The following CASZ1 variants were observed in gnomAD, a reference collection of about 807,000 sequenced individuals.
The protein encoded by CASZ1 is zinc finger protein castor homolog 1.
Under a neutral mutation model 135.2 loss-of-function variants are expected in CASZ1, and 28 were observed. That is an observed-to-expected ratio of 0.21 (90% confidence interval 0.15 to 0.28). The LOEUF (loss-of-function observed/expected upper bound fraction) is 0.28. Among genes scored for constraint, CASZ1 ranks in the 10% least tolerant of loss-of-function variants. The pLI, the probability that CASZ1 is intolerant of heterozygous loss-of-function variation, is 1.00. For synonymous variants in CASZ1, 1,068 were observed against 1,073.4 expected (o/e 0.99, Z 0.10); for missense variants, 2,161 against 2,453.3 (o/e 0.88, Z 2.52).
At chr1:10,729,383 C>A (rs1023419496) in intron 2 of CASZ1, among the ~76,000 whole-genome samples, 2 of 152,192 alleles carry the variant, frequency 1.3e-5, no homozygotes, top group Non-Finnish European at 2.9e-5. Context: ...GCTCCTCTCC[C>A]TCTCCCCGGC....
rs1219963251 is a variant in CASZ1 at position 10,767,801 on chromosome 1, G to A, written c.-233-6944C>T. The stretch of plus-strand genomic sequence containing the variant: ...CCGGTTGCAGCTCCCTGTCTGTCTT[G>A]CCCACTGCCCCGGGGATCACTTCCC... On this transcript the variant is annotated intron_variant, in intron 1 of 20. Coordinates refer to ENST00000377022, the MANE Select transcript of CASZ1 (RefSeq NM_001079843.3). The surrounding 1 kb of genome is among the most constrained non-coding windows in gnomAD (Gnocchi z 4.2). Among the ~76,000 whole-genome samples the A allele has an allele frequency of 2.0e-5, 3 of 152,160 alleles. No individual in the cohort carries two copies. Among genetic ancestry groups the A allele is most frequent in the African/African-American group, 7.2e-5 (3 of 41,430 alleles).
At chr1:10,750,229 A>G (rs1308912385) in intron 2 of CASZ1, among the ~76,000 whole-genome samples, 1 of 152,024 alleles carries the variant, frequency 6.6e-6, no homozygotes, top group East Asian at 1.9e-4. Flanking sequence ...GTTGTGTGAC[A>G]TGAGGCCTGG....
intron 2 of CASZ1, among the ~76,000 whole-genome samples, chr1:10,760,023 T>A (rs879762652): frequency 5.9e-5 from 9 of 152,090 alleles, no homozygotes; most frequent in Non-Finnish European, 1.3e-4. Context: ...TACCTGCAGG[T>A]AAATATCTGA....
chr1:10,666,718 G>T lies in CASZ1; in HGVS notation c.17-1147C>A, dbSNP rs1367991770. Among the ~76,000 whole-genome samples, 1 of 152,146 alleles carries T rather than the reference G, an allele frequency of 6.6e-6. No homozygotes were observed. Among genetic ancestry groups the T allele is most frequent in the African/African-American group, 2.4e-5 (1 of 41,422 alleles). The stretch of plus-strand genomic sequence containing the variant: ...TCCCTGATAGGGCACCGAGGGTCCT[G>T]GGGGGGCATACGGCAAGCCCACCCA... On this transcript the variant is annotated intron_variant, in intron 4 of 20. Transcript: ENST00000377022. The surrounding 1 kb of genome is among the most constrained non-coding windows in gnomAD (Gnocchi z 5.2).
chr1:10,643,332 G>A (rs1333558885), intron 18 of CASZ1, 21 bp from the exon 19 acceptor site: 2 of 1,611,430 alleles, frequency 1.2e-6, no homozygotes, highest in South Asian at 1.1e-5. Context: ...AGCCCCACCT[G>A]GCATGAGCCC....
intron 3 of CASZ1, among the ~76,000 whole-genome samples, chr1:10,703,389 C>T (rs1639104345): frequency 1.3e-5 from 2 of 152,138 alleles, no homozygotes; most frequent in Non-Finnish European, 2.9e-5. Flanking sequence ...CACCTATAGG[C>T]CCAGTCTCAG....
At position 10,788,434 on chromosome 1, in the gene CASZ1, C is replaced by T. The variant is rs573634902; in HGVS notation, c.-234+8130G>A. On this transcript the variant is annotated intron_variant, in intron 1 of 20. Coordinates refer to ENST00000377022, the MANE Select transcript of CASZ1 (RefSeq NM_001079843.3). This position sits in a 1 kb window ranked among gnomAD's most constrained non-coding sequence, Gnocchi z 4.1. ...GAAAGAAGCCCACCAGAGCAGGGGGCCCTAGAGGGTCCTTAGACTGCATTT... is the reference window on the plus strand; with the variant it reads ...GAAAGAAGCCCACCAGAGCAGGGGGTCCTAGAGGGTCCTTAGACTGCATTT... Among the ~76,000 whole-genome samples the T allele has an allele frequency of 9.9e-5, 15 of 152,266 alleles. No homozygotes were observed. In the South Asian group the frequency reaches 3.1e-3, roughly 32 times the overall value.
rs1280545543 is a variant in CASZ1, at chr1:10,644,943, G to A, written c.3842C>T (p.Thr1281Ile). Residue 1281 changes from threonine to isoleucine, a missense_variant, in exon 18 of 21, where the codon ACC (threonine) becomes ATC (isoleucine). Thr to Ile is a moderately conservative substitution (Grantham distance 89). Around this residue, in one of 7 missense-constraint regions of CASZ1, gnomAD observed 349 missense variants for 460.8 expected, o/e 0.76. Coordinates refer to ENST00000377022, the MANE Select transcript of CASZ1 (RefSeq NM_001079843.3). ...RRAANGFKYF[T>I]KREECGRLGC... ...TAGCCTGCCACACTCCTCGCGCTTG[G>A]TGAAGTATTTGAAGCCATTGGCTGC... The A allele has an allele frequency of 1.2e-6, 2 of 1,613,858 alleles. No homozygotes were observed. Among genetic ancestry groups the A allele is most frequent in the Non-Finnish European group, 1.7e-6 (2 of 1,179,972 alleles).
intron 1 of CASZ1, among the ~76,000 whole-genome samples, chr1:10,766,403 A>G (rs1015093566): frequency 1.3e-5 from 2 of 152,244 alleles, no homozygotes. Context: ...AAATGGGGAT[A>G]AAGATAGTTC....
rs1337869402 is a variant in CASZ1 at position 10,747,093 on chromosome 1, G to A, written c.-77+13608C>T. Among the ~76,000 whole-genome samples, 2 of 152,256 alleles carry A rather than the reference G, an allele frequency of 1.3e-5. No individual in the cohort carries two copies. Among genetic ancestry groups the A allele is most frequent in the African/African-American group, 4.8e-5 (2 of 41,468 alleles). ...AATGGCATGTGATGGCCACCCAGTTGGCAGTGCCATTCCCCTAACGCAAGG... is the reference window on the plus strand; with the variant it reads ...AATGGCATGTGATGGCCACCCAGTTAGCAGTGCCATTCCCCTAACGCAAGG... On this transcript the variant is annotated intron_variant, in intron 2 of 20. Coordinates refer to ENST00000377022, the MANE Select transcript of CASZ1 (RefSeq NM_001079843.3). The surrounding 1 kb of genome is among the most constrained non-coding windows in gnomAD (Gnocchi z 4.3).
intron 1 of CASZ1, among the ~76,000 whole-genome samples, chr1:10,781,576 G>A (rs548528322): frequency 5.3e-5 from 8 of 152,330 alleles, no homozygotes; most frequent in East Asian, 3.9e-4. Flanking sequence ...TGCTATTGGC[G>A]AACATGCTCC....
chr1:10,792,656 T>G (rs1487863745), intron 1 of CASZ1, among the ~76,000 whole-genome samples: 1 of 151,312 alleles, frequency 6.6e-6, no homozygotes, highest in African/African-American at 2.4e-5. Context: ...TTTTTCTGTC[T>G]TCCTTTCTTA....
rs774066141 is a variant in CASZ1, at chr1:10,785,907, TG to T, written c.-234+10656del. The stretch of plus-strand genomic sequence containing the variant: ...CTGGGATCCTCTCATCTAATTCTCA[TG>T]GTCCACGTGACGGGAATTCCAAGTC... On this transcript the variant is annotated intron_variant, in intron 1 of 20. Transcript: ENST00000377022. 7.5e-4 allele frequency among the ~76,000 whole-genome samples: 114 copies of T among 152,336 alleles called. 1 individual carries two copies. The highest frequency in any genetic ancestry group is 1.3e-3 in the Non-Finnish European group (86 of 68,016).
chr1:10,675,677 T>A (rs60838458), intron 4 of CASZ1, among the ~76,000 whole-genome samples: 3 of 151,970 alleles, frequency 2.0e-5, no homozygotes, highest in African/African-American at 7.2e-5. Flanking sequence ...CCTCTCCCAG[T>A]TGGGCAGGTA....
In CASZ1 at chr1:10,694,170, T is replaced by G. The variant is rs942436349; in HGVS notation, c.-23-258A>C. On this transcript the variant is annotated intron_variant, in intron 3 of 20. Coordinates refer to ENST00000377022, the MANE Select transcript of CASZ1 (RefSeq NM_001079843.3). The surrounding 1 kb of genome is among the most constrained non-coding windows in gnomAD (Gnocchi z 6.6). The stretch of plus-strand genomic sequence containing the variant: ...AACTCTCGGCCGGCGCGGCCCCGGC[T>G]TGGGGGCCCTGGCCGGGGGATCCGC... 5.3e-5 allele frequency: 16 copies of G among 304,392 alleles called. No individual in the cohort carries two copies. The highest frequency in any genetic ancestry group is 6.8e-5 in the African/African-American group (3 of 43,960). 18.9% of individuals were successfully genotyped at this position (304,392 alleles called of 1,614,324 possible).
chr1:10,655,034 C>G (rs1351324084), intron 9 of CASZ1, among the ~76,000 whole-genome samples: 1 of 152,156 alleles, frequency 6.6e-6, no homozygotes, highest in Non-Finnish European at 1.5e-5. Flanking sequence ...CCTCCCACCC[C>G]ACCCCAGCTG....
intron 2 of CASZ1, among the ~76,000 whole-genome samples, chr1:10,745,419 C>T (rs1391631046): frequency 6.6e-6 from 1 of 152,174 alleles, no homozygotes; most frequent in African/African-American, 2.4e-5. Context: ...GCTTCTTGAC[C>T]TTCCTTGCCC....
intron 5 of CASZ1, among the ~76,000 whole-genome samples, chr1:10,662,657 CCA>C (rs1276928976): frequency 6.6e-6 from 1 of 151,644 alleles, no homozygotes; most frequent in African/African-American, 2.4e-5. Context: ...TTGCTCACCC[CCA>C]CACAGTCACA....
At chr1:10,683,476 C>T (rs753436823) in intron 4 of CASZ1, among the ~76,000 whole-genome samples, 4 of 152,150 alleles carry the variant, frequency 2.6e-5, no homozygotes, top group Non-Finnish European at 2.9e-5. Flanking sequence ...AGACACCCAC[C>T]GCAGAGCTGA....
Sources: allele counts gnomAD v4.1 joint callset (sites outside exome capture counted in the v4.1 genomes callset), GRCh38; gene constraint gnomAD v4.1.1; regional missense constraint gnomAD v4.1.1; non-coding constraint Gnocchi (gnomAD v3.1); transcripts MANE v1.5; gene names NCBI Gene and HGNC (gene_info 2026-07-23, HGNC 2026-07-21).